Variants in DNAJB14 observed in about 807,000 individuals in gnomAD.
DNAJB14 encodes dnaJ homolog subfamily B member 14.
A neutral mutation model predicts 48.4 loss-of-function variants in DNAJB14; 22 were observed. That is an observed-to-expected ratio of 0.45 (90% CI 0.32 to 0.65). DNAJB14 has a LOEUF of 0.65. Among genes scored for constraint, DNAJB14 ranks in the 30% least tolerant of loss-of-function variants. The probability of loss-of-function intolerance (pLI) is 0.03; values close to 1 mark genes in which losing one functional copy is unlikely to be tolerated. For synonymous variants in DNAJB14, 142 were observed against 158.7 expected (o/e 0.89, Z 0.79); for missense variants, 319 against 458.8 (o/e 0.70, Z 2.78).
At position 99,910,636 on chromosome 4, in the gene DNAJB14, T is replaced by TG. The variant is rs143805715; in HGVS notation, c.452-1741dup. On this transcript the variant is annotated intron_variant, in intron 3 of 7. Coordinates refer to ENST00000442697, the MANE Select transcript of DNAJB14 (RefSeq NM_001031723.4). ...GAGAAATACTGTCATAATCTATAATTGTACACATAAGACAATTTATATATT... is the reference window on the plus strand; with the variant it reads ...GAGAAATACTGTCATAATCTATAATTGGTACACATAAGACAATTTATATATT... Among the ~76,000 whole-genome samples the TG allele has an allele frequency of 2.1e-4, 32 of 152,168 alleles. No homozygotes were observed. The East Asian group carries it at 5.6e-3, about 27-fold the overall frequency.
In DNAJB14 at chr4:99,930,476, G is replaced by A. The variant is rs377452154; in HGVS notation, c.279C>T (p.Thr93=). 3 of 1,602,976 alleles carry A rather than the reference G, an allele frequency of 1.9e-6. No individual in the cohort carries two copies. The highest frequency in any genetic ancestry group is 2.3e-5 in the East Asian group (1 of 44,350). The change falls in exon 2 of 8, where the codon ACC becomes ACT. Residue 93 remains threonine, a synonymous_variant. Transcript: ENST00000442697. ...TGAGAACTCCATCTACTTGGTCTTT[G>A]GTATAGCCTTTTCCACCTTCACCAC... The part of the protein sequence containing the change: ...SGSGEGGKGY[T]KDQVDGVLSI...
At chr4:99,911,776 T>A (rs1349228797) in intron 3 of DNAJB14, among the ~76,000 whole-genome samples, 15 of 152,158 alleles carry the variant, frequency 9.9e-5, no homozygotes, top group Admixed American at 9.8e-4. Context: ...TTCTTTATAT[T>A]TAATATATTC....
chr4:99,924,806 C>G (rs371761446), intron 2 of DNAJB14: 32 of 1,580,128 alleles, frequency 2.0e-5, no homozygotes, highest in Non-Finnish European at 2.7e-5. Flanking sequence ...GTTCCAATAT[C>G]CATAAAGCTC....
intron 1 of DNAJB14, among the ~76,000 whole-genome samples, chr4:99,941,261 A>T (rs1726881171): frequency 6.6e-6 from 1 of 152,182 alleles, no homozygotes; most frequent in African/African-American, 2.4e-5. Context: ...AATGTAAGGG[A>T]TGAAGTCAGC....
intron 3 of DNAJB14, among the ~76,000 whole-genome samples, chr4:99,917,469 T>C (rs1042404723): frequency 6.6e-6 from 1 of 152,194 alleles, no homozygotes; most frequent in Non-Finnish European, 1.5e-5. Flanking sequence ...CTTCACAAGG[T>C]AGAATCCGAC....
chr4:99,943,933 A>T (rs138710643), intron 1 of DNAJB14, among the ~76,000 whole-genome samples: 217 of 152,344 alleles, frequency 1.4e-3, no homozygotes, highest in Middle Eastern at 6.8e-3. Context: ...AGCACCATCA[A>T]CAAAGTGATG....
At chr4:99,941,772 T>C (rs1726898670) in intron 1 of DNAJB14, among the ~76,000 whole-genome samples, 1 of 152,174 alleles carries the variant, frequency 6.6e-6, no homozygotes, top group African/African-American at 2.4e-5. Context: ...TTAAGCTATA[T>C]ATCCAAGGTC....
At chr4:99,942,020 T>C (rs1330211598) in intron 1 of DNAJB14, 1 of 152,072 alleles carries the variant, frequency 6.6e-6, no homozygotes, top group African/African-American at 2.4e-5. Flanking sequence ...ATACTCCAGA[T>C]GTATAATGAC....
chr4:99,939,868 G>A (rs1338241685), intron 1 of DNAJB14, among the ~76,000 whole-genome samples: 1 of 152,204 alleles, frequency 6.6e-6, no homozygotes, highest in Non-Finnish European at 1.5e-5. Context: ...AAATGTCTTA[G>A]CTATCACATG....
intron 4 of DNAJB14, among the ~76,000 whole-genome samples, chr4:99,907,194 T>C (rs1403368814): frequency 1.3e-5 from 2 of 152,106 alleles, no homozygotes; most frequent in Non-Finnish European, 2.9e-5. Flanking sequence ...CAGAAGAAAA[T>C]TTACTACTGC....
rs377579929 is a variant in DNAJB14, at chr4:99,946,470, G to A, written c.102C>T (p.Ala34=). The change falls in exon 1 of 8, where the codon GCC becomes GCT. Residue 34 remains alanine (A), a synonymous_variant. Transcript: ENST00000442697. ...CCGAGGGCAGTGGGTAGAGCTTCTC[G>A]GCCTTCTGCAGGAAGCGCTGGGCCT... is the stretch of plus-strand genomic sequence containing the variant. The part of the protein sequence containing the change: ...REKAQRFLQK[A]EKLYPLPSAR... The A allele has an allele frequency of 1.2e-5, 19 of 1,613,394 alleles. No individual in the cohort carries two copies. In the African/African-American group the frequency reaches 2.4e-4, roughly 20 times the overall value.
intron 2 of DNAJB14, chr4:99,928,511 AC>A: frequency 4.7e-6 from 2 of 426,694 alleles, no homozygotes; most frequent in Non-Finnish European, 9.6e-6. Flanking sequence ...CACAAAACCA[AC>A]CCCACCCCAC....
Position 99,899,050 on chromosome 4 carries a change from GA to G in DNAJB14, c.*1977del, listed in dbSNP as rs1248081677. ...TTTAATGGAATGCAGCACTGCAACT[GA>G]AATATAATACTGTCCAAAAGCCATG... On this transcript the variant is annotated 3_prime_UTR_variant, in exon 8 of 8. Transcript: ENST00000442697. 3 of 151,832 alleles carry G rather than the reference GA, an allele frequency of 2.0e-5. No homozygotes were observed. Among genetic ancestry groups the G allele is most frequent in the African/African-American group, 7.2e-5 (3 of 41,396 alleles). 9.4% of individuals were successfully genotyped at this position (151,832 alleles called of 1,614,324 possible).
intron 2 of DNAJB14, chr4:99,923,637 A>G: frequency 1.0e-6 from 1 of 985,028 alleles, no homozygotes; most frequent in Non-Finnish European, 1.2e-6. Context: ...AGATCTAACC[A>G]ACTATCAAAG....
At chr4:99,921,776 A>G (rs1578225218) in intron 3 of DNAJB14, among the ~76,000 whole-genome samples, 1 of 152,324 alleles carries the variant, frequency 6.6e-6, no homozygotes, top group East Asian at 1.9e-4. Context: ...CAAGCTATAA[A>G]ACAAATTAAA....
intron 3 of DNAJB14, among the ~76,000 whole-genome samples, chr4:99,909,469 C>T (rs564186154): frequency 6.6e-6 from 1 of 152,072 alleles, no homozygotes; most frequent in East Asian, 1.9e-4. Context: ...CAATTTATCC[C>T]CTAAAACAGT....
At chr4:99,940,654 C>T (rs1400254008) in intron 1 of DNAJB14, among the ~76,000 whole-genome samples, 2 of 151,494 alleles carry the variant, frequency 1.3e-5, no homozygotes, top group Non-Finnish European at 2.9e-5. Flanking sequence ...TCCAACCCTC[C>T]CCCAAATCCC....
intron 2 of DNAJB14, chr4:99,924,016 G>T: frequency 8.7e-6 from 3 of 344,560 alleles, no homozygotes; most frequent in Non-Finnish European, 1.2e-5. Flanking sequence ...ATTTAAGCCT[G>T]AAATCTTTAA....
chr4:99,923,899 GATAAAAT>G (rs1367233254), intron 2 of DNAJB14: 1 of 984,090 alleles, frequency 1.0e-6, no homozygotes, highest in Non-Finnish European at 1.2e-6. Flanking sequence ...AACATCTCAT[GATAAAAT>G]ATAACACGTG....
Sources: gnomAD v4.1 joint callset for allele counts (sites outside exome capture counted in the v4.1 genomes callset) on GRCh38, gnomAD v4.1.1 for gene constraint, MANE v1.5 for transcripts, NCBI Gene and HGNC (gene_info 2026-07-23, HGNC 2026-07-21) for gene names.